Variants in SPAG16 observed in about 807,000 individuals in gnomAD.
The protein encoded by SPAG16 is sperm associated antigen 16, also known as sperm-associated antigen 16 protein.
In SPAG16, 86 loss-of-function variants were observed where a neutral mutation model predicts 80.4. The observed-to-expected ratio is 1.07, with a 90% CI of 0.90 to 1.28. The LOEUF (loss-of-function observed/expected upper bound fraction) is 1.28, where lower values mean the gene tolerates loss of function less well. SPAG16 is among the 50% of genes most tolerant of loss of function. The pLI, the probability that SPAG16 is intolerant of heterozygous loss-of-function variation, is 0.00. For synonymous variants in SPAG16, 294 were observed against 265.9 expected (o/e 1.11, Z -1.03); for missense variants, 870 against 765.3 (o/e 1.14, Z -1.61).
chr2:213,874,771 CA>C, intron 11 of SPAG16, among the ~76,000 whole-genome samples: 1 of 151,972 alleles, frequency 6.6e-6, no homozygotes, highest in Admixed American at 6.6e-5. Context: ...TTCCATTGGC[CA>C]AAGCTCAGAG....
chr2:213,840,917 A>T (rs1311951759), intron 10 of SPAG16, among the ~76,000 whole-genome samples: 2 of 152,200 alleles, frequency 1.3e-5, no homozygotes, highest in Non-Finnish European at 2.9e-5. Flanking sequence ...AATAAGCATT[A>T]TAAATGAATA....
chr2:214,297,598 T>G (rs192293840), intron 15 of SPAG16, among the ~76,000 whole-genome samples: 1 of 152,286 alleles, frequency 6.6e-6, no homozygotes, highest in African/African-American at 2.4e-5. Context: ...TGTTTCTTTC[T>G]TTCCCCATTG....
intron 10 of SPAG16, among the ~76,000 whole-genome samples, chr2:213,703,158 G>T (rs1004148447): frequency 1.3e-5 from 2 of 152,178 alleles, no homozygotes; most frequent in African/African-American, 4.8e-5. Flanking sequence ...TGACAGAGCT[G>T]CAGCCAACCA....
intron 15 of SPAG16, among the ~76,000 whole-genome samples, chr2:214,296,521 T>A (rs1485140901): frequency 1.3e-5 from 2 of 152,316 alleles, no homozygotes; most frequent in South Asian, 4.1e-4. Context: ...GTACAAACAT[T>A]CTCTTTTCTC....
intron 10 of SPAG16, among the ~76,000 whole-genome samples, chr2:213,718,635 G>GC (rs1559406235): frequency 9.2e-5 from 14 of 152,204 alleles, no homozygotes. Context: ...TAGCACCCGG[G>GC]CCAGTGGCTG....
intron 10 of SPAG16, among the ~76,000 whole-genome samples, chr2:213,508,434 C>T (rs565861284): frequency 1.2e-4 from 18 of 152,118 alleles, no homozygotes; most frequent in East Asian, 3.9e-4. Flanking sequence ...TAGCCGGGCG[C>T]GGTGGCGGGC....
At chr2:213,708,888 G>A (rs2065866108) in intron 10 of SPAG16, among the ~76,000 whole-genome samples, 1 of 152,166 alleles carries the variant, frequency 6.6e-6, no homozygotes, top group African/African-American at 2.4e-5. Flanking sequence ...CCATCTTACT[G>A]GTTTACAACT....
At chr2:213,949,438 A>AT (rs1200583916) in intron 12 of SPAG16, among the ~76,000 whole-genome samples, 11 of 152,124 alleles carry the variant, frequency 7.2e-5, no homozygotes, top group African/African-American at 2.6e-4. Context: ...AAGTGCTGGG[A>AT]TTACAGGCAT....
At chr2:214,169,711 C>G (rs2372227) in intron 15 of SPAG16, among the ~76,000 whole-genome samples, 1 of 151,884 alleles carries the variant, frequency 6.6e-6, no homozygotes, top group Non-Finnish European at 1.5e-5. Context: ...GGGAGCCTCA[C>G]TACACTGACT....
chr2:213,441,628 G>T (rs935881612), intron 9 of SPAG16, among the ~76,000 whole-genome samples: 1 of 152,076 alleles, frequency 6.6e-6, no homozygotes, highest in South Asian at 2.1e-4. Context: ...ACTTTTTTCT[G>T]TTTGTTAGAA....
At chr2:213,881,843 T>A (rs2106030707) in intron 11 of SPAG16, among the ~76,000 whole-genome samples, 1 of 152,336 alleles carries the variant, frequency 6.6e-6, no homozygotes, top group South Asian at 2.1e-4. Context: ...CTTTTATTTC[T>A]TTCTCTTGCC....
intron 10 of SPAG16, among the ~76,000 whole-genome samples, chr2:213,784,709 A>C (rs1394214579): frequency 1.3e-5 from 2 of 151,532 alleles, no homozygotes; most frequent in African/African-American, 4.8e-5. Context: ...AAGAGATTCC[A>C]ATATAATGGA....
chr2:214,242,084 G>A (rs1304237407), intron 15 of SPAG16, among the ~76,000 whole-genome samples: 3 of 152,170 alleles, frequency 2.0e-5, no homozygotes, highest in Non-Finnish European at 2.9e-5. Flanking sequence ...TCTCAGACTG[G>A]TTTGCTAAGC....
chr2:214,384,542 A>ATCTC (rs1700641678), intron 15 of SPAG16, among the ~76,000 whole-genome samples: 1 of 152,246 alleles, frequency 6.6e-6, no homozygotes, highest in African/African-American at 2.4e-5. Flanking sequence ...CACAACCAGT[A>ATCTC]TCTCTGCTTT....
intron 10 of SPAG16, among the ~76,000 whole-genome samples, chr2:213,529,670 ATACTC>A (rs1380150159): frequency 6.6e-6 from 1 of 152,194 alleles, no homozygotes; most frequent in African/African-American, 2.4e-5. Flanking sequence ...ACTAAAATAA[ATACTC>A]TAGGCAACTG....
intron 9 of SPAG16, among the ~76,000 whole-genome samples, chr2:213,393,363 C>A (rs929096664): frequency 5.3e-5 from 8 of 151,040 alleles, no homozygotes; most frequent in African/African-American, 1.9e-4. Flanking sequence ...TAAAATATAT[C>A]ACATATATTT....
chr2:213,558,135 G>A (rs949189181), intron 10 of SPAG16, among the ~76,000 whole-genome samples: 1 of 152,008 alleles, frequency 6.6e-6, no homozygotes, highest in Admixed American at 6.6e-5. Flanking sequence ...AAACATATTA[G>A]TGCTTGAATG....
rs1034723516 is a variant in SPAG16 at position 214,243,442 on chromosome 2, G to A, written c.1720+94176G>A. Among the ~76,000 whole-genome samples the A allele has an allele frequency of 4.1e-4, 62 of 151,856 alleles. 1 individual carries two copies. The highest frequency in any genetic ancestry group is 1.4e-3 in the African/African-American group (59 of 41,456). ...TCATAAAATTTAACTATAGTACCTG[G>A]CCTAATTTTTTTGAGTCATATGTTA... On this transcript the variant is annotated intron_variant, in intron 15 of 15. Coordinates refer to ENST00000331683, the MANE Select transcript of SPAG16 (RefSeq NM_024532.5).
At chr2:213,309,398 A>C (rs1305717237) in intron 3 of SPAG16, among the ~76,000 whole-genome samples, 2 of 152,084 alleles carry the variant, frequency 1.3e-5, no homozygotes, top group Non-Finnish European at 2.9e-5. Flanking sequence ...GTTGTCACTA[A>C]TTATTTTCTC....
Sources: allele counts gnomAD v4.1 joint callset (sites outside exome capture counted in the v4.1 genomes callset), GRCh38; gene constraint gnomAD v4.1.1; transcripts MANE v1.5; gene names NCBI Gene and HGNC (gene_info 2026-07-23, HGNC 2026-07-21).